CHMP5: variants seen among roughly 807,000 people sequenced by gnomAD.
CHMP5 encodes charged multivesicular body protein 5.
A neutral mutation model predicts 33.0 loss-of-function variants in CHMP5; 17 were observed. The observed-to-expected ratio is 0.52, with a 90% CI of 0.35 to 0.77. The LOEUF is 0.77. Among genes scored for constraint, CHMP5 ranks in the 30% least tolerant of loss-of-function variants. The pLI, the probability that CHMP5 is intolerant of heterozygous loss-of-function variation, is 0.01. For missense variants in CHMP5, 216 were observed against 261.5 expected (o/e 0.83, Z 1.20); for synonymous variants, 76 against 90.2 (o/e 0.84, Z 0.89).
chr9:33,274,565 A>G lies in CHMP5; in HGVS notation c.388-1891A>G. ...GTATTAGGTGCTTAGTGTTTTACAT[A>G]TATTATTGCAATAAATCCTTACAAT... On this transcript the variant is annotated intron_variant, in intron 5 of 7. Transcript: ENST00000223500. Among the ~76,000 whole-genome samples, 4 of 152,284 alleles carry G rather than the reference A, an allele frequency of 2.6e-5. 2 individuals are homozygous for G. The Middle Eastern group carries it at 0.014, about 518-fold the overall frequency.
rs1376018030 is a variant in CHMP5, at chr9:33,265,095, G to C, written c.17G>C (p.Gly6Ala). MNRLF[G>A]KAKPKAPPPS... ...CTGCTCAAGATGAACCGACTCTTCG[G>C]GAAAGCGAAACCCAAGGCTCCGCCG... is the stretch of plus-strand genomic sequence containing the variant. The change falls in exon 1 of 8, where the codon GGG becomes GCG. Residue 6 changes from glycine (G) to alanine (A), a missense_variant. By Grantham distance (60) the Gly-to-Ala change is moderately conservative (BLOSUM62 0). Transcript: ENST00000223500. The C allele has an allele frequency of 2.5e-6, 4 of 1,614,060 alleles. No homozygotes were observed. Among genetic ancestry groups the C allele is most frequent in the Non-Finnish European group, 3.4e-6 (4 of 1,180,040 alleles).
chr9:33,265,226 A>G, intron 1 of CHMP5, 79 bp downstream of exon 1: 2 of 1,392,654 alleles, frequency 1.4e-6, no homozygotes, highest in Non-Finnish European at 2.0e-6. Context: ...CCGGGCCCAT[A>G]TTCTTCCACT....
At chr9:33,275,344 A>G (rs925425330) in intron 5 of CHMP5, among the ~76,000 whole-genome samples, 1 of 152,104 alleles carries the variant, frequency 6.6e-6, no homozygotes, top group African/African-American at 2.4e-5. Context: ...AAGCACAGGT[A>G]GATTATTCAC....
intron 4 of CHMP5, 128 bp downstream of exon 4, chr9:33,270,844 G>A (rs1215445434): frequency 1.3e-6 from 1 of 746,106 alleles, no homozygotes; most frequent in Non-Finnish European, 2.2e-6. Flanking sequence ...CACTTTGGGA[G>A]GCTGAGGTGG....
intron 1 of CHMP5, 129 bp downstream of exon 1, chr9:33,265,276 T>A: frequency 1.2e-6 from 1 of 815,182 alleles, no homozygotes. Flanking sequence ...CGTCCCTCTC[T>A]ATCTCACCTT....
chr9:33,274,111 T>C (rs896689264), intron 5 of CHMP5, among the ~76,000 whole-genome samples: 2 of 152,098 alleles, frequency 1.3e-5, no homozygotes, highest in Non-Finnish European at 2.9e-5. Context: ...TTTTTTTTGC[T>C]GTTGCCTAGG....
At chr9:33,273,869 C>T (rs1820823195) in intron 5 of CHMP5, among the ~76,000 whole-genome samples, 1 of 151,950 alleles carries the variant, frequency 6.6e-6, no homozygotes, top group Non-Finnish European at 1.5e-5. Flanking sequence ...ATGTGTAATA[C>T]TATTGTATAA....
Position 33,276,441 on chromosome 9 carries a change from T to C in CHMP5, c.388-15T>C. 1 of 1,415,224 alleles carries C rather than the reference T, an allele frequency of 7.1e-7. No individual in the cohort carries two copies. The highest frequency in any genetic ancestry group is 1.0e-6 in the Non-Finnish European group (1 of 1,003,634). 87.7% of individuals were successfully genotyped at this position (1,415,224 alleles called of 1,614,324 possible). ...TGGTAAATGAGAGAAAATCCTCTCATATATATTTCCGTAGGATTTACAAGA... is the reference window on the plus strand; with the variant it reads ...TGGTAAATGAGAGAAAATCCTCTCACATATATTTCCGTAGGATTTACAAGA... On this transcript the variant is annotated splice_polypyrimidine_tract_variant and intron_variant, in intron 5 of 7. Transcript: ENST00000223500.
intron 7 of CHMP5, among the ~76,000 whole-genome samples, chr9:33,279,072 G>A (rs1477870252): frequency 6.6e-6 from 1 of 152,046 alleles, no homozygotes; most frequent in Non-Finnish European, 1.5e-5. Context: ...TTACAGGTGC[G>A]CGCCAACATG....
Position 33,278,229 on chromosome 9 carries a change from A to G in CHMP5, c.609+4A>G. 1 of 1,566,300 alleles carries G rather than the reference A, an allele frequency of 6.4e-7. No individual in the cohort carries two copies. Reference sequence around the variant, plus strand: ...TCCCACTGATACAAAAAACAAGGTGAAAGCTTTTTCTGTTTATATTTCAAT... The same window carrying G: ...TCCCACTGATACAAAAAACAAGGTGGAAGCTTTTTCTGTTTATATTTCAAT... On this transcript the variant is annotated splice_donor_region_variant and intron_variant, in intron 7 of 7. Transcript: ENST00000223500.
intron 5 of CHMP5, 33 bp downstream of exon 5, chr9:33,271,256 C>T (rs747181838): frequency 1.8e-5 from 28 of 1,551,188 alleles, no homozygotes; most frequent in Admixed American, 3.3e-5. Context: ...CAAGAATGTG[C>T]ACTAGTTTCT....
chr9:33,270,877 T>G (rs1820786565), intron 4 of CHMP5, among the ~76,000 whole-genome samples, 161 bp downstream of exon 4: 1 of 151,314 alleles, frequency 6.6e-6, no homozygotes, highest in African/African-American at 2.4e-5. Flanking sequence ...ATGTCAGGAG[T>G]TTGAGACCAG....
intron 5 of CHMP5, 84 bp downstream of exon 5, chr9:33,271,307 A>C (rs1462789364): frequency 4.5e-6 from 5 of 1,104,764 alleles, no homozygotes; most frequent in Non-Finnish European, 6.9e-6. Flanking sequence ...GGAAGAGCAC[A>C]GGAGAGGAAC....
chr9:33,266,589 C>G (rs1344063044), intron 2 of CHMP5, among the ~76,000 whole-genome samples: 3 of 152,058 alleles, frequency 2.0e-5, no homozygotes, highest in Admixed American at 6.5e-5. Context: ...GGAGAGTTTG[C>G]AATCAAATAT....
Position 33,280,803 on chromosome 9 carries a change from T to A in CHMP5, c.610-6T>A. On this transcript the variant is annotated splice_region_variant and splice_polypyrimidine_tract_variant and intron_variant, in intron 7 of 7. Transcript: ENST00000223500. ...AGTGGCACTAAACATTGCTTCCTTT[T>A]TACAGGATGGAGTTCTGGTGGATGA... 1.2e-6 allele frequency: 2 copies of A among 1,608,122 alleles called. No individual in the cohort carries two copies. The highest frequency in any genetic ancestry group is 1.7e-6 in the Non-Finnish European group (2 of 1,177,892).
intron 5 of CHMP5, among the ~76,000 whole-genome samples, chr9:33,275,980 G>A (rs1221341935): frequency 6.6e-6 from 1 of 152,184 alleles, no homozygotes; most frequent in Admixed American, 6.5e-5. Context: ...TTGCACTCCA[G>A]CCTGGGTGAC....
At chr9:33,268,440 T>C (rs184941254) in intron 3 of CHMP5, among the ~76,000 whole-genome samples, 1 of 152,366 alleles carries the variant, frequency 6.6e-6, no homozygotes, top group African/African-American at 2.4e-5. Flanking sequence ...CTAGTATCTT[T>C]GGTGCCTACC....
chr9:33,273,922 T>C (rs1210905939), intron 5 of CHMP5, among the ~76,000 whole-genome samples: 1 of 152,158 alleles, frequency 6.6e-6, no homozygotes, highest in African/African-American at 2.4e-5. Context: ...TCATTGTCTT[T>C]AATTATTACT....
intron 5 of CHMP5, 61 bp from the exon 6 acceptor site, chr9:33,276,395 A>T: frequency 1.1e-6 from 1 of 883,408 alleles, no homozygotes; most frequent in Non-Finnish European, 1.9e-6. Context: ...AATGTAGGGG[A>T]AAAGGGTAGT....
Sources: allele counts gnomAD v4.1 joint callset (sites outside exome capture counted in the v4.1 genomes callset), GRCh38; gene constraint gnomAD v4.1.1; transcripts MANE v1.5; gene names NCBI Gene and HGNC (gene_info 2026-07-23, HGNC 2026-07-21).